The following GRM1 variants were observed in gnomAD, a reference collection of about 807,000 sequenced individuals.
GRM1 encodes the protein glutamate metabotropic receptor 1.
GRM1 carries 33 observed loss-of-function variants against 90.9 expected under a neutral mutation model. The observed-to-expected ratio is 0.36, with a 90% CI of 0.28 to 0.49. GRM1 has a LOEUF of 0.49. Among genes scored for constraint, GRM1 ranks in the 20% least tolerant of loss-of-function variants. The probability of loss-of-function intolerance (pLI) is 0.99; values close to 1 mark genes in which losing one functional copy is unlikely to be tolerated. For synonymous variants in GRM1, 700 were observed against 613.2 expected (o/e 1.14, Z -2.09); for missense variants, 1,190 against 1,534.3 (o/e 0.78, Z 3.75).
intron 1 of GRM1, among the ~76,000 whole-genome samples, chr6:146,074,423 A>C (rs952105351): frequency 6.6e-6 from 1 of 152,080 alleles, no homozygotes; most frequent in Non-Finnish European, 1.5e-5. Context: ...CATGCCTGAG[A>C]ACTCACAGGG....
chr6:146,204,346 C>T (rs533408876), intron 2 of GRM1, among the ~76,000 whole-genome samples: 1 of 152,262 alleles, frequency 6.6e-6, no homozygotes, highest in Non-Finnish European at 1.5e-5. Context: ...TGAACGTTTA[C>T]GGTTAGCAAA....
chr6:146,143,477 T>A (rs1776972828), intron 1 of GRM1, among the ~76,000 whole-genome samples: 1 of 152,172 alleles, frequency 6.6e-6, no homozygotes, highest in African/African-American at 2.4e-5. Context: ...TGTCTTTCTG[T>A]TAGTTCAGGT....
At position 146,215,930 on chromosome 6, in the gene GRM1, T is replaced by C. The variant is rs1779856180; in HGVS notation, c.950+56333T>C. Among the ~76,000 whole-genome samples, 3 of 152,252 alleles carry C rather than the reference T, an allele frequency of 2.0e-5. No homozygotes were observed. The South Asian group carries it at 6.2e-4, about 32-fold the overall frequency. On this transcript the variant is annotated intron_variant, in intron 2 of 7. Transcript: ENST00000282753. ...TGCCACCATGCCCGGCTAATTTTTT[T>C]GTATTTTTAGTAGGGACGGGGTTTC...
At chr6:146,217,520 A>G (rs949111895) in intron 2 of GRM1, among the ~76,000 whole-genome samples, 4 of 152,182 alleles carry the variant, frequency 2.6e-5, no homozygotes, top group African/African-American at 9.7e-5. Flanking sequence ...AAAGGTCTCT[A>G]ATATTATTAT....
chr6:146,307,495 T>A (rs942505847), intron 3 of GRM1, among the ~76,000 whole-genome samples: 1 of 152,206 alleles, frequency 6.6e-6, no homozygotes, highest in African/African-American at 2.4e-5. Flanking sequence ...GGTCTTCGGT[T>A]TTAATCTCTA....
chr6:146,043,796 T>TAGAGATATAG, intron 1 of GRM1, among the ~76,000 whole-genome samples: 1 of 137,942 alleles, frequency 7.2e-6, no homozygotes, highest in African/African-American at 2.6e-5. Flanking sequence ...TATATATATA[T>TAGAGATATAG]ATATATATAT....
chr6:146,288,569 G>A (rs1246979283), intron 2 of GRM1, among the ~76,000 whole-genome samples: 1 of 152,052 alleles, frequency 6.6e-6, no homozygotes, highest in Non-Finnish European at 1.5e-5. Context: ...GCAAAGGTGC[G>A]ATCTCGGCTC....
At chr6:146,362,664 C>CAAAA (rs11432508) in intron 5 of GRM1, among the ~76,000 whole-genome samples, 13 of 86,170 alleles carry the variant, frequency 1.5e-4, no homozygotes, top group East Asian at 1.4e-3. Flanking sequence ...GACTCCATCT[C>CAAAA]AAAAAAAAAA....
chr6:146,155,505 TG>T (rs1175309742), intron 1 of GRM1, among the ~76,000 whole-genome samples: 1 of 152,194 alleles, frequency 6.6e-6, no homozygotes, highest in Non-Finnish European at 1.5e-5. Flanking sequence ...CATATCCCTG[TG>T]GTAAAGTGTC....
chr6:146,233,302 A>G (rs765266874), intron 2 of GRM1, among the ~76,000 whole-genome samples: 2 of 152,138 alleles, frequency 1.3e-5, no homozygotes, highest in Non-Finnish European at 1.5e-5. Flanking sequence ...GGTTCAACTT[A>G]TACTGGCTCA....
chr6:146,256,038 C>T (rs1781465447), intron 2 of GRM1, among the ~76,000 whole-genome samples: 1 of 152,106 alleles, frequency 6.6e-6, no homozygotes, highest in African/African-American at 2.4e-5. Flanking sequence ...TGCTGACCAA[C>T]CTTCTTTTTG....
rs536105142 is a variant in GRM1 at position 146,183,944 on chromosome 6, A to C, written c.950+24347A>C. On this transcript the variant is annotated intron_variant, in intron 2 of 7. Transcript: ENST00000282753. ...GATGTATCTCAGGAACTACAGCAAT[A>C]ATCAGGCCACTTAGTCTGTAAATCA... 3.3e-5 allele frequency among the ~76,000 whole-genome samples: 5 copies of C among 152,336 alleles called. 1 individual carries two copies. The South Asian group carries it at 1.0e-3, about 32-fold the overall frequency.
At chr6:146,320,936 T>G (rs1323728363) in intron 3 of GRM1, among the ~76,000 whole-genome samples, 1 of 149,910 alleles carries the variant, frequency 6.7e-6, no homozygotes, top group Non-Finnish European at 1.5e-5. Context: ...AATTCACTGA[T>G]TTTTTTTTTA....
chr6:146,036,519 A>G (rs9403763), intron 1 of GRM1, among the ~76,000 whole-genome samples: 59,326 of 151,752 alleles, frequency 0.39, 11,943 homozygotes, highest in Middle Eastern at 0.51. Context: ...AATGTCTACA[A>G]CATTTAAAAT....
rs557322948 is a variant in GRM1, at chr6:146,321,663, C to T, written c.1186+16817C>T. ...AATCTCGGTGCTCCTGTATTGGGTG[C>T]ATATTTAGGATAGTTAGCTATTCTT... is the stretch of plus-strand genomic sequence containing the variant. On this transcript the variant is annotated intron_variant, in intron 3 of 7. Coordinates refer to ENST00000282753, the MANE Select transcript of GRM1 (RefSeq NM_001278064.2). Among the ~76,000 whole-genome samples, 12 of 151,516 alleles carry T rather than the reference C, an allele frequency of 7.9e-5. No homozygotes were observed. The South Asian group carries it at 2.3e-3, about 29-fold the overall frequency.
At chr6:146,242,423 A>G (rs1780898561) in intron 2 of GRM1, among the ~76,000 whole-genome samples, 1 of 152,126 alleles carries the variant, frequency 6.6e-6, no homozygotes, top group African/African-American at 2.4e-5. Context: ...AGAACCAGAA[A>G]CAGAGTATGG....
chr6:146,101,753 C>T (rs1331146314), intron 1 of GRM1, among the ~76,000 whole-genome samples: 2 of 150,974 alleles, frequency 1.3e-5, no homozygotes, highest in African/African-American at 2.4e-5. Flanking sequence ...GTAAATATCA[C>T]TGGTATTATT....
intron 1 of GRM1, among the ~76,000 whole-genome samples, chr6:146,108,973 A>G (rs1454036593): frequency 6.6e-6 from 1 of 152,220 alleles, no homozygotes; most frequent in Non-Finnish European, 1.5e-5. Flanking sequence ...ATTTTTAAGC[A>G]GAAAAGCATT....
intron 6 of GRM1, among the ~76,000 whole-genome samples, chr6:146,397,497 A>T (rs1472189930): frequency 6.6e-6 from 1 of 151,098 alleles, no homozygotes; most frequent in Non-Finnish European, 1.5e-5. Context: ...AAAAAAAAAA[A>T]AAAAAAAAGC....
Sources: allele counts gnomAD v4.1 joint callset (sites outside exome capture counted in the v4.1 genomes callset), GRCh38; gene constraint gnomAD v4.1.1; transcripts MANE v1.5; gene names NCBI Gene and HGNC (gene_info 2026-07-23, HGNC 2026-07-21).